EXT1: variants seen among roughly 807,000 people sequenced by gnomAD.
EXT1 encodes the protein exostosin-1.
A neutral mutation model predicts 82.5 loss-of-function variants in EXT1; 20 were observed. That is an observed-to-expected ratio of 0.24 (90% CI 0.17 to 0.35). The LOEUF is 0.35. EXT1 is among the 10% of genes least tolerant of loss of function. The pLI is 1.00. For synonymous variants in EXT1, 348 were observed against 350.8 expected (o/e 0.99, Z 0.09); for missense variants, 757 against 936.5 (o/e 0.81, Z 2.50).
At chr8:118,046,345 G>A (rs1250862087) in intron 1 of EXT1, among the ~76,000 whole-genome samples, 1 of 152,154 alleles carries the variant, frequency 6.6e-6, no homozygotes, top group Non-Finnish European at 1.5e-5. Context: ...TTCAGGCAAC[G>A]CACAGAGCAC....
At chr8:117,961,143 T>TC (rs1814691279) in intron 1 of EXT1, among the ~76,000 whole-genome samples, 1 of 150,752 alleles carries the variant, frequency 6.6e-6, no homozygotes, top group African/African-American at 2.4e-5. Flanking sequence ...CTTCCCTCCT[T>TC]CCTTCCTTCC....
At chr8:118,026,502 C>T (rs948916998) in intron 1 of EXT1, among the ~76,000 whole-genome samples, 3 of 152,006 alleles carry the variant, frequency 2.0e-5, no homozygotes, top group South Asian at 2.1e-4. Context: ...AAAAGGGCAA[C>T]ACAAACTTTT....
intron 1 of EXT1, among the ~76,000 whole-genome samples, chr8:117,838,514 C>T (rs1280232520): frequency 2.6e-5 from 4 of 151,884 alleles, no homozygotes; most frequent in Admixed American, 6.6e-5. Context: ...AAAAGGTCAC[C>T]GTGAATGGAT....
At position 117,890,294 on chromosome 8, in the gene EXT1, A is replaced by T. The variant is rs150831060; in HGVS notation, c.963-53093T>A. 1.3e-3 allele frequency among the ~76,000 whole-genome samples: 202 copies of T among 152,358 alleles called. 1 individual carries two copies. Among genetic ancestry groups the T allele is most frequent in the African/African-American group, 4.7e-3 (194 of 41,590 alleles). On this transcript the variant is annotated intron_variant, in intron 1 of 10. Coordinates refer to ENST00000378204, the MANE Select transcript of EXT1 (RefSeq NM_000127.3). Reference sequence around the variant, plus strand: ...ATAGTAGTGGTCCTCAACCAGGAGCAATTTTGCTTCCCAAGAAACCTTTGG... The same window carrying T: ...ATAGTAGTGGTCCTCAACCAGGAGCTATTTTGCTTCCCAAGAAACCTTTGG...
intron 1 of EXT1, among the ~76,000 whole-genome samples, chr8:117,903,011 G>A (rs11784466): frequency 0.3 from 46,255 of 151,824 alleles, 7,327 homozygotes; most frequent in East Asian, 0.36. Flanking sequence ...AATTCTGCGT[G>A]TTACTACCAA....
chr8:117,887,433 C>T (rs987859763), intron 1 of EXT1, among the ~76,000 whole-genome samples: 2 of 152,208 alleles, frequency 1.3e-5, no homozygotes, highest in African/African-American at 2.4e-5. Flanking sequence ...TTCACTGCAA[C>T]CTCCGCCTCC....
intron 1 of EXT1, among the ~76,000 whole-genome samples, chr8:117,870,542 C>G (rs2129890377): frequency 6.7e-6 from 1 of 150,356 alleles, no homozygotes; most frequent in South Asian, 2.1e-4. Context: ...CAAATTCTAG[C>G]AAGTTGTCCA....
At chr8:117,979,302 C>A (rs1337415951) in intron 1 of EXT1, among the ~76,000 whole-genome samples, 1 of 151,350 alleles carries the variant, frequency 6.6e-6, no homozygotes, top group Admixed American at 6.6e-5. Flanking sequence ...TGCACTGAGC[C>A]GAGATTGCAC....
chr8:118,097,441 C>G (rs1025904705), intron 1 of EXT1, among the ~76,000 whole-genome samples: 7 of 151,970 alleles, frequency 4.6e-5, no homozygotes, highest in Non-Finnish European at 1.0e-4. Flanking sequence ...AGCAAGACTC[C>G]TTCTCAAAAA....
chr8:117,926,913 A>G (rs1338819572), intron 1 of EXT1, among the ~76,000 whole-genome samples: 1 of 152,226 alleles, frequency 6.6e-6, no homozygotes, highest in Non-Finnish European at 1.5e-5. Flanking sequence ...AAAACTAGCA[A>G]CAAAAGCCTT....
At chr8:117,984,087 G>A (rs555379344) in intron 1 of EXT1, among the ~76,000 whole-genome samples, 1 of 152,344 alleles carries the variant, frequency 6.6e-6, no homozygotes, top group Admixed American at 6.5e-5. Context: ...ATGCTACAGG[G>A]AAAGACAAAT....
chr8:118,066,697 AT>A (rs772382822), intron 1 of EXT1, among the ~76,000 whole-genome samples: 1 of 152,196 alleles, frequency 6.6e-6, no homozygotes, highest in Non-Finnish European at 1.5e-5. Flanking sequence ...CATATAATAT[AT>A]AGAACAAACA....
chr8:117,958,910 T>C (rs932907506), intron 1 of EXT1, among the ~76,000 whole-genome samples: 1 of 152,178 alleles, frequency 6.6e-6, no homozygotes, highest in Non-Finnish European at 1.5e-5. Flanking sequence ...CTACTAAACA[T>C]TCCCATTTTA....
At position 117,814,656 on chromosome 8, in the gene EXT1, C is replaced by T. The variant is rs1811769782; in HGVS notation, c.1633-1695G>A. On this transcript the variant is annotated intron_variant, in intron 7 of 10. Transcript: ENST00000378204. ...GGAACACATATGCCAATCATATGCT[C>T]ATCACCTTCTTCCAGAAGTTATAGT... Among the ~76,000 whole-genome samples, 10 of 152,270 alleles carry T rather than the reference C, an allele frequency of 6.6e-5. No individual in the cohort carries two copies. In the South Asian group the frequency reaches 2.1e-3, roughly 32 times the overall value.
At chr8:117,809,726 T>C (rs2129710685) in intron 8 of EXT1, among the ~76,000 whole-genome samples, 1 of 152,108 alleles carries the variant, frequency 6.6e-6, no homozygotes, top group South Asian at 2.1e-4. Context: ...ATCTCAAAGT[T>C]AAAAGGTAGC....
chr8:117,876,992 C>A (rs1812982826), intron 1 of EXT1, among the ~76,000 whole-genome samples: 1 of 152,100 alleles, frequency 6.6e-6, no homozygotes, highest in Admixed American at 6.6e-5. Flanking sequence ...CAGCCAGGAA[C>A]CCGTTTTTCT....
chr8:117,970,172 G>A (rs1814909085), intron 1 of EXT1, among the ~76,000 whole-genome samples: 1 of 152,130 alleles, frequency 6.6e-6, no homozygotes, highest in Non-Finnish European at 1.5e-5. Context: ...TTATACTGGA[G>A]CACTATAAAG....
At chr8:117,991,844 G>A (rs1014944620) in intron 1 of EXT1, among the ~76,000 whole-genome samples, 16 of 152,180 alleles carry the variant, frequency 1.1e-4, no homozygotes, top group Admixed American at 1.0e-3. Context: ...TTACTGGCAT[G>A]AGCCACCACA....
chr8:118,005,215 G>A (rs560276062), intron 1 of EXT1, among the ~76,000 whole-genome samples: 1 of 152,322 alleles, frequency 6.6e-6, no homozygotes, highest in Non-Finnish European at 1.5e-5. Context: ...TCTCATGACT[G>A]ACAGATATCC....
Sources: gnomAD v4.1 joint callset for allele counts (sites outside exome capture counted in the v4.1 genomes callset) on GRCh38, gnomAD v4.1.1 for gene constraint, MANE v1.5 for transcripts, NCBI Gene and HGNC (gene_info 2026-07-23, HGNC 2026-07-21) for gene names.